PPARGC1A: variants seen among roughly 807,000 people sequenced by gnomAD.
The protein encoded by PPARGC1A is PPARG coactivator 1 alpha, also known as peroxisome proliferator-activated receptor gamma coactivator 1-alpha.
In PPARGC1A, 25 loss-of-function variants were observed where a neutral mutation model predicts 88.7. The ratio of observed to expected loss-of-function variants is 0.28; its 90% CI spans 0.21 to 0.39. The LOEUF (loss-of-function observed/expected upper bound fraction) is 0.39. PPARGC1A is among the 10% of genes least tolerant of loss of function. The pLI, the probability that PPARGC1A is intolerant of heterozygous loss-of-function variation, is 1.00. For synonymous variants in PPARGC1A, 363 were observed against 355.6 expected, an observed-to-expected ratio of 1.02 and a Z score of -0.24; for missense variants, 880 against 968.7, an observed-to-expected ratio of 0.91 and a Z score of 1.22.
intron 2 of PPARGC1A, among the ~76,000 whole-genome samples, chr4:23,833,956 A>G (rs952542434): frequency 1.3e-5 from 2 of 152,170 alleles, no homozygotes; most frequent in African/African-American, 4.8e-5. Context: ...CTTGAGGCCA[A>G]GAGTTCAAGG....
the PPARGC1A span, among the ~76,000 whole-genome samples, chr4:24,396,481 C>A: frequency 1.3e-5 from 2 of 152,056 alleles, no homozygotes; most frequent in African/African-American, 4.8e-5. Flanking sequence ...CCTCCCTGGG[C>A]AGATCAAATG....
At chr4:24,278,714 C>T in the PPARGC1A span, among the ~76,000 whole-genome samples, 2 of 152,154 alleles carry the variant, frequency 1.3e-5, no homozygotes, top group African/African-American at 2.4e-5. Context: ...TTTTCCACAC[C>T]GTGTTGCTAT....
the PPARGC1A span, among the ~76,000 whole-genome samples, chr4:24,091,926 A>AACACACACACACAC: frequency 1.4e-5 from 1 of 71,038 alleles, no homozygotes; most frequent in Admixed American, 1.4e-4. Flanking sequence ...TCCTTGCCCC[A>AACACACACACACAC]ATACACACAC....
the PPARGC1A span, among the ~76,000 whole-genome samples, chr4:24,360,070 G>A: frequency 3.4e-4 from 52 of 152,050 alleles, no homozygotes; most frequent in Non-Finnish European, 6.3e-4. Flanking sequence ...ATGAAGATAT[G>A]TCACTGGCTC....
chr4:23,986,180 G>A, the PPARGC1A span, among the ~76,000 whole-genome samples: 1 of 151,930 alleles, frequency 6.6e-6, no homozygotes, highest in African/African-American at 2.4e-5. Context: ...CACTTGGAAG[G>A]TAAAGTGTTC....
intron 12 of PPARGC1A, 64 bp from the exon 13 acceptor site, chr4:23,795,989 C>T (rs753508077): frequency 1.2e-4 from 131 of 1,108,290 alleles, no homozygotes; most frequent in Non-Finnish European, 1.7e-4. Context: ...TCAATCATTC[C>T]AATTCAAGAT....
the PPARGC1A span, among the ~76,000 whole-genome samples, chr4:24,427,195 T>C: frequency 6.6e-6 from 1 of 152,208 alleles, no homozygotes. Flanking sequence ...TTGTATTTCT[T>C]TTCTGCCTCC....
At chr4:23,901,563 G>GA (rs1367316219), upstream of PPARGC1A, among the ~76,000 whole-genome samples, 1 of 149,890 alleles carries the variant, frequency 6.7e-6, no homozygotes, top group South Asian at 2.1e-4. Flanking sequence ...AAAAAGAAAA[G>GA]AAAAAAGAAA....
At chr4:24,449,834 AT>A in the PPARGC1A span, among the ~76,000 whole-genome samples, 8 of 152,290 alleles carry the variant, frequency 5.3e-5, no homozygotes, top group East Asian at 7.7e-4. Flanking sequence ...CCTCTCTCCT[AT>A]AATTGGATTG....
the PPARGC1A span, among the ~76,000 whole-genome samples, chr4:23,979,307 T>C: frequency 1.3e-5 from 2 of 152,202 alleles, no homozygotes; most frequent in African/African-American, 4.8e-5. Context: ...AGGGATACTT[T>C]CTCCTGTATC....
At chr4:23,817,021 A>G (rs1722110821) in intron 7 of PPARGC1A, among the ~76,000 whole-genome samples, 1 of 152,198 alleles carries the variant, frequency 6.6e-6, no homozygotes, top group African/African-American at 2.4e-5. Flanking sequence ...GATGCTTCAC[A>G]GGCCACATCT....
intron 2 of PPARGC1A, among the ~76,000 whole-genome samples, chr4:23,841,782 T>C (rs1405431556): frequency 2.0e-5 from 3 of 152,112 alleles, no homozygotes; most frequent in Admixed American, 6.6e-5. Context: ...TTGTACTTTT[T>C]CTGTTCATTT....
the PPARGC1A span, among the ~76,000 whole-genome samples, chr4:24,322,093 A>G: frequency 1.3e-5 from 2 of 152,162 alleles, no homozygotes; most frequent in Non-Finnish European, 2.9e-5. Flanking sequence ...TCCAGCTATA[A>G]TGCTGTAGAA....
chr4:24,293,802 T>C, the PPARGC1A span, among the ~76,000 whole-genome samples: 1 of 151,856 alleles, frequency 6.6e-6, no homozygotes, highest in African/African-American at 2.4e-5. Flanking sequence ...TAAATTGTTT[T>C]CTCATTGTTA....
At chr4:24,337,031 C>T in the PPARGC1A span, among the ~76,000 whole-genome samples, 12 of 152,298 alleles carry the variant, frequency 7.9e-5, no homozygotes, top group Non-Finnish European at 1.5e-4. Flanking sequence ...ATTGTGGAAT[C>T]AAAGGTTATG....
chr4:24,051,315 A>C, the PPARGC1A span, among the ~76,000 whole-genome samples: 2 of 151,688 alleles, frequency 1.3e-5, no homozygotes, highest in African/African-American at 4.8e-5. Flanking sequence ...GGAAAAAGGG[A>C]TTTCAGAGGA....
chr4:24,387,870 A>AG, the PPARGC1A span, among the ~76,000 whole-genome samples: 3 of 79,410 alleles, frequency 3.8e-5, no homozygotes, highest in African/African-American at 8.1e-5. Context: ...GAGAGAAAGG[A>AG]AGAAAGAGAA....
chr4:24,284,329 C>CG, the PPARGC1A span, among the ~76,000 whole-genome samples: 1 of 151,834 alleles, frequency 6.6e-6, no homozygotes, highest in African/African-American at 2.4e-5. Context: ...AACAAACAAA[C>CG]AAAAAACAAA....
chr4:23,955,674 G>T, the PPARGC1A span, among the ~76,000 whole-genome samples: 1 of 152,026 alleles, frequency 6.6e-6, no homozygotes, highest in Non-Finnish European at 1.5e-5. Flanking sequence ...AATAACAGAT[G>T]ATTCATATTG....
Sources: allele counts gnomAD v4.1 joint callset (sites outside exome capture counted in the v4.1 genomes callset), GRCh38; gene constraint gnomAD v4.1.1; transcripts MANE v1.5; gene names NCBI Gene and HGNC (gene_info 2026-07-23, HGNC 2026-07-21).